The following DNAAF1 variants were observed in gnomAD, a reference collection of about 807,000 sequenced individuals.
The protein encoded by DNAAF1 is dynein assembly factor 1, axonemal.
A neutral mutation model predicts 71.1 loss-of-function variants in DNAAF1; 65 were observed. The observed-to-expected ratio is 0.91, with a 90% CI of 0.75 to 1.12. DNAAF1 has a LOEUF of 1.12. Ranked by LOEUF, DNAAF1 falls within the 50% of genes most tolerant of loss-of-function variation. The pLI is 0.00. For missense variants in DNAAF1, 1,178 were observed against 899.8 expected, an observed-to-expected ratio of 1.31 and a Z score of -3.96; for synonymous variants, 414 against 354.6, an observed-to-expected ratio of 1.17 and a Z score of -1.88.
At chr16:84,171,120 C>T (rs1350284763) in intron 8 of DNAAF1, among the ~76,000 whole-genome samples, 3 of 152,012 alleles carry the variant, frequency 2.0e-5, no homozygotes, top group African/African-American at 7.3e-5. Context: ...GAGCACAGGA[C>T]CCAAGGATAC....
chr16:84,175,876 T>C (rs959966803), intron 10 of DNAAF1, 57 bp from the exon 11 acceptor site: 3 of 1,596,944 alleles, frequency 1.9e-6, no homozygotes, highest in African/African-American at 2.7e-5. Flanking sequence ...TGGTGCATTG[T>C]AGAGCGATTC....
chr16:84,147,482 A>G (rs1363070568), intron 1 of DNAAF1, among the ~76,000 whole-genome samples: 2 of 151,702 alleles, frequency 1.3e-5, no homozygotes, highest in Admixed American at 6.6e-5. Context: ...TATTCTCACT[A>G]TTTTTGTTTC....
intron 8 of DNAAF1, among the ~76,000 whole-genome samples, chr16:84,170,934 T>C (rs954074485): frequency 6.6e-6 from 1 of 152,198 alleles, no homozygotes; most frequent in East Asian, 1.9e-4. Flanking sequence ...AAAAATATAA[T>C]CATGTTAACA....
chr16:84,146,187 C>T (rs754061469), intron 1 of DNAAF1, among the ~76,000 whole-genome samples: 3 of 152,300 alleles, frequency 2.0e-5, no homozygotes, highest in South Asian at 2.1e-4. Flanking sequence ...TAACCCACCA[C>T]GCTATTCTCC....
At chr16:84,172,531 C>T in intron 9 of DNAAF1, 156 bp downstream of exon 9, 1 of 1,466,906 alleles carries the variant, frequency 6.8e-7, no homozygotes, top group Non-Finnish European at 9.1e-7. Context: ...ATGCAGACTC[C>T]CAGGCCTCAC....
At chr16:84,147,836 C>G (rs765034028) in intron 1 of DNAAF1, among the ~76,000 whole-genome samples, 1 of 151,998 alleles carries the variant, frequency 6.6e-6, no homozygotes, top group Non-Finnish European at 1.5e-5. Context: ...AAGGCCAAGG[C>G]GGGTGGGTCA....
At position 84,147,911 on chromosome 16, in the gene DNAAF1, C is replaced by CA. The variant is rs527603216; in HGVS notation, c.125-1089dup. Among the ~76,000 whole-genome samples the CA allele has an allele frequency of 3.4e-3, 520 of 152,070 alleles. 1 individual carries two copies. Among genetic ancestry groups the CA allele is most frequent in the Middle Eastern group, 0.017 (5 of 294 alleles). On this transcript the variant is annotated intron_variant, in intron 1 of 11. Coordinates refer to ENST00000378553, the MANE Select transcript of DNAAF1 (RefSeq NM_178452.6). ...GGAAACCCCGTCTCTACTAAAAATACAAAAAAATTAGCTAGGCATGGTGAC... is the reference window on the plus strand; with the variant it reads ...GGAAACCCCGTCTCTACTAAAAATACAAAAAAAATTAGCTAGGCATGGTGAC...
At chr16:84,158,709 C>T (rs1326552920) in intron 5 of DNAAF1, 1 of 152,192 alleles carries the variant, frequency 6.6e-6, no homozygotes, top group Non-Finnish European at 1.5e-5. Context: ...GGTTCACCCT[C>T]ATGTTGCCTT....
At chr16:84,177,673 C>G (rs560084405) in intron 11 of DNAAF1, 56 bp from the exon 12 acceptor site, 1 of 1,495,748 alleles carries the variant, frequency 6.7e-7, no homozygotes, top group Admixed American at 1.7e-5. Context: ...GGCTGCCCCC[C>G]TGTCCTTGCA....
chr16:84,165,217 T>C lies in DNAAF1; in HGVS notation c.864-566T>C, dbSNP rs2087913009. ...AGTCTGTAGCCTGCCTTTTCATTTT[T>C]TTAAAACTTTGCTCATTTTGAAATT... is the stretch of plus-strand genomic sequence containing the variant. On this transcript the variant is annotated intron_variant, in intron 6 of 11. Coordinates refer to ENST00000378553, the MANE Select transcript of DNAAF1 (RefSeq NM_178452.6). Among the ~76,000 whole-genome samples the C allele has an allele frequency of 2.6e-5, 4 of 152,348 alleles. 1 individual carries two copies. The South Asian group carries it at 8.3e-4, about 32-fold the overall frequency.
At chr16:84,145,685 T>A in intron 1 of DNAAF1, 121 bp downstream of exon 1, 1 of 1,284,902 alleles carries the variant, frequency 7.8e-7, no homozygotes, top group Non-Finnish European at 1.1e-6. Context: ...ATAATAATGG[T>A]AGCAAGCAAC....
Position 84,174,695 on chromosome 16 carries a change from T to A in DNAAF1, c.1671T>A (p.Asp557Glu). ...IDDLPDLEDD[D>E]ETGKSLEDQN... ...ACCTACCTGACTTGGAAGATGATGA[T>A]GAAACAGGCAAATCTCTGGAAGACC... The change falls in exon 10 of 12, where the codon GAT becomes GAA. Residue 557 changes from aspartate (D) to glutamate (E), a missense_variant. Physicochemically the swap from Asp to Glu is conservative, Grantham distance 45. Transcript: ENST00000378553. 6.2e-7 allele frequency: 1 copy of A among 1,614,214 alleles called. No individual in the cohort carries two copies. The highest frequency in any genetic ancestry group is 8.5e-7 in the Non-Finnish European group (1 of 1,180,038).
At position 84,177,420 on chromosome 16, in the gene DNAAF1, C is replaced by T. The variant is rs556096959; in HGVS notation, c.2066-309C>T. On this transcript the variant is annotated intron_variant, in intron 11 of 11. Coordinates refer to ENST00000378553, the MANE Select transcript of DNAAF1 (RefSeq NM_178452.6). ...CCTCTGAAGTAGCTGGGATTACAGG[C>T]ACCCGTCAAGGGATTTTCCTGCCTC... 51 of 370,824 alleles carry T rather than the reference C, an allele frequency of 1.4e-4. 1 individual carries two copies. The highest frequency in any genetic ancestry group is 1.1e-3 in the South Asian group (50 of 47,210). The allele number at this position is 370,824 out of a possible 1,614,324, so 23.0% of individuals were successfully genotyped here.
chr16:84,166,227 AT>A (rs1345389530), intron 7 of DNAAF1, among the ~76,000 whole-genome samples: 2 of 151,512 alleles, frequency 1.3e-5, no homozygotes. Context: ...TAGTTTTTGT[AT>A]TTTTAGTAGA....
intron 6 of DNAAF1, among the ~76,000 whole-genome samples, chr16:84,160,827 C>G (rs1452160522): frequency 6.9e-6 from 1 of 144,534 alleles, no homozygotes; most frequent in South Asian, 2.4e-4. Flanking sequence ...CCCAGCTACT[C>G]GAGTGGAGGC....
At chr16:84,172,121 C>G in intron 8 of DNAAF1, 139 bp from the exon 9 acceptor site, 1 of 787,166 alleles carries the variant, frequency 1.3e-6, no homozygotes, top group Non-Finnish European at 2.2e-6. Context: ...TTGTGATCCG[C>G]CCACCTTGGC....
In DNAAF1 at chr16:84,151,268, C is replaced by T. The variant is rs139261762; in HGVS notation, c.352+926C>T. Among the ~76,000 whole-genome samples, 535 of 152,216 alleles carry T rather than the reference C, an allele frequency of 3.5e-3. 1 individual carries two copies. The highest frequency in any genetic ancestry group is 5.7e-3 in the Non-Finnish European group (386 of 68,016). On this transcript the variant is annotated intron_variant, in intron 3 of 11. Transcript: ENST00000378553. ...AGTGCTGAAAATGCACAGAGGGAAC[C>T]GGCAAAGGTGCCTTTGGTGTCCTGG...
In DNAAF1 at chr16:84,165,655, C is replaced by T. The variant is rs2087933320; in HGVS notation, c.864-128C>T. The T allele has an allele frequency of 1.3e-5, 12 of 929,010 alleles. No individual in the cohort carries two copies. In the South Asian group the frequency reaches 1.5e-4, roughly 11 times the overall value. 57.5% of individuals were successfully genotyped at this position (929,010 alleles called of 1,614,324 possible). Reference sequence around the variant, plus strand: ...TAAATAATAAAATTTACATGTGGAACTTTTATCCTTGCAGTCACATGTCTG... The same window carrying T: ...TAAATAATAAAATTTACATGTGGAATTTTTATCCTTGCAGTCACATGTCTG... On this transcript the variant is annotated intron_variant, in intron 6 of 11. Transcript: ENST00000378553.
At position 84,169,879 on chromosome 16, in the gene DNAAF1, G is replaced by A; in HGVS notation, c.1051G>A (p.Asp351Asn). ...ATTAGGGGAGATGACATCTTCAGAT[G>A]ATGGTGAGAATGTGCCCGCCAGTGC... ...QERGEMTSSD[D>N]GENVPASAEG... The change falls in exon 8 of 12, where the codon GAT becomes AAT. Residue 351 changes from aspartate to asparagine, a missense_variant. Transcript: ENST00000378553. The A allele has an allele frequency of 6.2e-7, 1 of 1,613,972 alleles. No individual in the cohort carries two copies. The highest frequency in any genetic ancestry group is 8.5e-7 in the Non-Finnish European group (1 of 1,180,044).
Sources: gnomAD v4.1 joint callset for allele counts (sites outside exome capture counted in the v4.1 genomes callset) on GRCh38, gnomAD v4.1.1 for gene constraint, MANE v1.5 for transcripts, NCBI Gene and HGNC (gene_info 2026-07-23, HGNC 2026-07-21) for gene names.